MOGAT1: variants seen among roughly 807,000 people sequenced by gnomAD.
The protein encoded by MOGAT1 is 2-acylglycerol O-acyltransferase 1.
A neutral mutation model predicts 31.4 loss-of-function variants in MOGAT1; 32 were observed. The observed-to-expected ratio is 1.02, with a 90% CI of 0.77 to 1.37. The LOEUF (loss-of-function observed/expected upper bound fraction) is 1.37. Ranked by LOEUF, MOGAT1 falls within the 40% of genes most tolerant of loss-of-function variation. The pLI, the probability that MOGAT1 is intolerant of heterozygous loss-of-function variation, is 0.00. For missense variants in MOGAT1, 426 were observed against 402.0 expected, an observed-to-expected ratio of 1.06 and a Z score of -0.51; for synonymous variants, 145 against 144.5, an observed-to-expected ratio of 1.00 and a Z score of -0.03.
chr2:222,704,344 G>C (rs1692971684), intron 5 of MOGAT1, among the ~76,000 whole-genome samples: 1 of 152,138 alleles, frequency 6.6e-6, no homozygotes, highest in Non-Finnish European at 1.5e-5. Context: ...GAGTATCCCG[G>C]CCAGGCGCGG....
intron 1 of MOGAT1, among the ~76,000 whole-genome samples, chr2:222,675,722 G>A (rs1378096222): frequency 1.3e-5 from 2 of 151,874 alleles, no homozygotes; most frequent in Non-Finnish European, 2.9e-5. Context: ...CTTGTGATCT[G>A]CCTGCCTCGG....
At chr2:222,697,401 G>A (rs1367339282) in intron 5 of MOGAT1, among the ~76,000 whole-genome samples, 2 of 152,024 alleles carry the variant, frequency 1.3e-5, no homozygotes, top group Non-Finnish European at 2.9e-5. Context: ...TGGGTCAAAT[G>A]GAAGAAAATA....
At position 222,695,286 on chromosome 2, in the gene MOGAT1, T is replaced by C. The variant is rs1692823915; in HGVS notation, c.851T>C (p.Val284Ala). The C allele has an allele frequency of 1.9e-6, 3 of 1,599,388 alleles. No individual in the cohort carries two copies. The highest frequency in any genetic ancestry group is 2.6e-6 in the Non-Finnish European group (3 of 1,169,648). The change falls in exon 5 of 6, where the codon GTT becomes GCT. Residue 284 changes from valine (V) to alanine (A), a missense_variant and splice_region_variant. By Grantham distance (64) the Val-to-Ala change is moderately conservative. Transcript: ENST00000446656. ...LMTYRKAIHT[V>A]VGRPIPVRQT... ...ACCTATAGGAAAGCCATCCACACTG[T>C]TGGTATGTACATAAAATAACTACAA...
intron 1 of MOGAT1, among the ~76,000 whole-genome samples, chr2:222,687,113 C>CAAAAAAAAAAAAAAA (rs1177781176): frequency 8.9e-5 from 2 of 22,428 alleles, no homozygotes; most frequent in Non-Finnish European, 8.4e-5. Context: ...GACTCCATCT[C>CAAAAAAAAAAAAAAA]AAAAAAAAAA....
chr2:222,685,634 C>CTT (rs10700366), intron 1 of MOGAT1, among the ~76,000 whole-genome samples: 1,975 of 125,448 alleles, frequency 0.016, 47 homozygotes, highest in African/African-American at 0.052. Context: ...GAGTCTCTCT[C>CTT]TTGTTGCCCA....
At chr2:222,680,718 C>T (rs1314222428) in intron 1 of MOGAT1, among the ~76,000 whole-genome samples, 1 of 152,140 alleles carries the variant, frequency 6.6e-6, no homozygotes, top group Non-Finnish European at 1.5e-5. Flanking sequence ...TACTTACTTT[C>T]TCCATACTAC....
At chr2:222,689,622 GC>G (rs1692729067) in intron 3 of MOGAT1, among the ~76,000 whole-genome samples, 153 bp downstream of exon 3, 1 of 152,142 alleles carries the variant, frequency 6.6e-6, no homozygotes, top group Non-Finnish European at 1.5e-5. Flanking sequence ...GGTGTTTCCT[GC>G]CCTCCCCCAC....
chr2:222,691,432 C>T (rs1692759382), intron 3 of MOGAT1, among the ~76,000 whole-genome samples: 1 of 152,128 alleles, frequency 6.6e-6, no homozygotes, highest in Non-Finnish European at 1.5e-5. Flanking sequence ...TGGTCAAGAA[C>T]TCCTGACCTC....
chr2:222,689,963 TAA>T (rs1574973375), intron 3 of MOGAT1, among the ~76,000 whole-genome samples: 1 of 152,112 alleles, frequency 6.6e-6, no homozygotes, highest in African/African-American at 2.4e-5. Flanking sequence ...GGCTCAGAAA[TAA>T]GAGTCCAGGC....
chr2:222,709,926 A>G lies in MOGAT1; in HGVS notation c.*36A>G. 1.4e-6 allele frequency: 2 copies of G among 1,458,304 alleles called. No homozygotes were observed. Among genetic ancestry groups the G allele is most frequent in the Non-Finnish European group, 1.9e-6 (2 of 1,080,066 alleles). 90.3% of individuals were successfully genotyped at this position (1,458,304 alleles called of 1,614,324 possible). On this transcript the variant is annotated 3_prime_UTR_variant, in exon 6 of 6. Transcript: ENST00000446656. ...AAAAAAAATTAAAAAATAAAAATAA[A>G]TGACTTGGCTGTAATAAGGCATAAA...
chr2:222,672,604 A>C (rs1692436297), intron 1 of MOGAT1, among the ~76,000 whole-genome samples: 1 of 151,986 alleles, frequency 6.6e-6, no homozygotes, highest in Non-Finnish European at 1.5e-5. Flanking sequence ...TCTTGAAGTA[A>C]ATAGGGGTGA....
chr2:222,679,735 T>C (rs1692550885), intron 1 of MOGAT1, among the ~76,000 whole-genome samples: 2 of 152,240 alleles, frequency 1.3e-5, no homozygotes, highest in African/African-American at 4.8e-5. Flanking sequence ...ACTGAGCTCC[T>C]GCACTAGGCT....
intron 5 of MOGAT1, among the ~76,000 whole-genome samples, chr2:222,709,468 TGC>T (rs1693079780): frequency 6.6e-6 from 1 of 152,222 alleles, no homozygotes; most frequent in African/African-American, 2.4e-5. Flanking sequence ...ACCTCCCAGC[TGC>T]AGTCAGCACA....
chr2:222,693,448 G>GTTTTTTTTTTTTTTTTTTTTTTTTT (rs11331017), intron 3 of MOGAT1, among the ~76,000 whole-genome samples: 2 of 116,190 alleles, frequency 1.7e-5, no homozygotes, highest in Non-Finnish European at 1.9e-5. Context: ...CAAATGTCTT[G>GTTTTTTTTTTTTTTTTTTTTTTTTT]TTTTTTTTTT....
At chr2:222,704,170 T>C (rs1014067676) in intron 5 of MOGAT1, among the ~76,000 whole-genome samples, 2 of 152,238 alleles carry the variant, frequency 1.3e-5, no homozygotes, top group African/African-American at 4.8e-5. Flanking sequence ...AAGAGCAGCC[T>C]GATGCAGCCG....
Position 222,695,261 on chromosome 2 carries a change from A to T in MOGAT1, c.826A>T (p.Thr276Ser). 6.2e-7 allele frequency: 1 copy of T among 1,612,904 alleles called. No homozygotes were observed. The highest frequency in any genetic ancestry group is 8.5e-7 in the Non-Finnish European group (1 of 1,179,390). The change falls in exon 5 of 6, where the codon ACC (threonine) becomes TCC (serine). Residue 276 changes from threonine to serine, a missense_variant. Coordinates refer to ENST00000446656, the MANE Select transcript of MOGAT1 (RefSeq NM_058165.3). ...GVFQYNFGLM[T>S]YRKAIHTVVG... ...TTTTCAGTACAATTTTGGCCTAATGACCTATAGGAAAGCCATCCACACTGT... is the reference window on the plus strand; with the variant it reads ...TTTTCAGTACAATTTTGGCCTAATGTCCTATAGGAAAGCCATCCACACTGT...
At chr2:222,680,147 G>T (rs1574969866) in intron 1 of MOGAT1, among the ~76,000 whole-genome samples, 1 of 152,104 alleles carries the variant, frequency 6.6e-6, no homozygotes, top group East Asian at 1.9e-4. Context: ...TGTCTTTTTA[G>T]TTCCTTCAAT....
chr2:222,681,896 A>G (rs1391332235), intron 1 of MOGAT1, among the ~76,000 whole-genome samples: 1 of 152,234 alleles, frequency 6.6e-6, no homozygotes, highest in Admixed American at 6.5e-5. Context: ...GCCCTAGGCC[A>G]GGAACTGGAG....
intron 3 of MOGAT1, among the ~76,000 whole-genome samples, chr2:222,691,148 G>A (rs925770399): frequency 3.9e-4 from 59 of 150,538 alleles, no homozygotes; most frequent in African/African-American, 1.4e-3. Context: ...GTTGGCTTTG[G>A]AGAGGAAAGC....
Sources: allele counts gnomAD v4.1 joint callset (sites outside exome capture counted in the v4.1 genomes callset), GRCh38; gene constraint gnomAD v4.1.1; transcripts MANE v1.5; gene names NCBI Gene and HGNC (gene_info 2026-07-23, HGNC 2026-07-21).